The following PARP8 variants were observed in gnomAD, a reference collection of about 807,000 sequenced individuals.
PARP8 encodes poly(ADP-ribose) polymerase family member 8.
Under a neutral mutation model 124.1 loss-of-function variants are expected in PARP8, and 51 were observed. That is an observed-to-expected ratio of 0.41 (90% confidence interval 0.33 to 0.52). The LOEUF is 0.52. Ranked by LOEUF, PARP8 falls within the 20% of genes least tolerant of loss-of-function variation. The pLI is 0.21. For missense variants in PARP8, 860 were observed against 1,018.9 expected (o/e 0.84, Z 2.12); for synonymous variants, 391 against 361.5 (o/e 1.08, Z -0.93).
chr5:50,788,389 A>G (rs1741548174), intron 9 of PARP8, 134 bp from the exon 10 acceptor site: 2 of 659,848 alleles, frequency 3.0e-6, no homozygotes, highest in South Asian at 2.0e-5. Flanking sequence ...AGCATTGTTT[A>G]GGACTGCATG....
intron 7 of PARP8, among the ~76,000 whole-genome samples, chr5:50,765,633 G>A (rs1467085447): frequency 6.6e-6 from 1 of 152,160 alleles, no homozygotes; most frequent in Admixed American, 6.5e-5. Context: ...ATGAATGTAA[G>A]CCATGTTCCT....
At chr5:50,810,453 C>A (rs1744310375) in intron 14 of PARP8, among the ~76,000 whole-genome samples, 1 of 151,970 alleles carries the variant, frequency 6.6e-6, no homozygotes. Flanking sequence ...GATGCTAGCA[C>A]ATTCTGTGTA....
At chr5:50,839,171 T>G (rs1747900043) in intron 25 of PARP8, among the ~76,000 whole-genome samples, 2 of 152,058 alleles carry the variant, frequency 1.3e-5, no homozygotes, top group Admixed American at 1.3e-4. Flanking sequence ...TTTCCTAGTT[T>G]CTATTATTTT....
At chr5:50,713,769 A>T (rs987680578) in intron 2 of PARP8, among the ~76,000 whole-genome samples, 54 of 152,034 alleles carry the variant, frequency 3.6e-4, no homozygotes, top group African/African-American at 1.3e-3. Context: ...GGATCCTTAG[A>T]AGAGGCAGGC....
rs566605770 is a variant in PARP8, at chr5:50,666,961, G to C, written c.-135G>C. ...TCTTCTCTCACCCAGGATCACTTCC[G>C]AAACCACTTCGCCTTCAGCCCCTGC... is the stretch of plus-strand genomic sequence containing the variant. On this transcript the variant is annotated 5_prime_UTR_variant, in exon 1 of 26. Coordinates refer to ENST00000281631, the MANE Select transcript of PARP8 (RefSeq NM_024615.4). 2.2e-4 allele frequency: 291 copies of C among 1,308,008 alleles called. No individual in the cohort carries two copies. In the African/African-American group the frequency reaches 4.2e-3, roughly 19 times the overall value. 81.0% of individuals were successfully genotyped at this position (1,308,008 alleles called of 1,614,324 possible).
intron 9 of PARP8, among the ~76,000 whole-genome samples, chr5:50,782,635 A>G (rs1740798101): frequency 6.6e-6 from 1 of 152,172 alleles, no homozygotes; most frequent in African/African-American, 2.4e-5. Context: ...ACAGAATACC[A>G]TTATTTCAGT....
At chr5:50,723,674 A>G (rs1474514284) in intron 2 of PARP8, among the ~76,000 whole-genome samples, 2 of 152,268 alleles carry the variant, frequency 1.3e-5, no homozygotes, top group African/African-American at 2.4e-5. Flanking sequence ...TAGAAAGAAC[A>G]TCAAAAGACA....
At chr5:50,765,439 A>G (rs557403768) in intron 7 of PARP8, among the ~76,000 whole-genome samples, 1 of 152,294 alleles carries the variant, frequency 6.6e-6, no homozygotes, top group South Asian at 2.1e-4. Context: ...TTAAGTACCT[A>G]TGATGGTCTG....
intron 3 of PARP8, among the ~76,000 whole-genome samples, chr5:50,751,486 G>A (rs1759257341): frequency 6.6e-6 from 1 of 152,076 alleles, no homozygotes; most frequent in Non-Finnish European, 1.5e-5. Flanking sequence ...AATAAAATAT[G>A]ATCACAGAAG....
chr5:50,802,302 G>T (rs1448266955), intron 14 of PARP8, among the ~76,000 whole-genome samples: 1 of 151,924 alleles, frequency 6.6e-6, no homozygotes, highest in East Asian at 1.9e-4. Flanking sequence ...ATCTAGTTTG[G>T]ATTAATACCA....
chr5:50,732,681 C>T (rs143059847), intron 2 of PARP8, among the ~76,000 whole-genome samples: 2,237 of 151,646 alleles, frequency 0.015, 58 homozygotes, highest in African/African-American at 0.052. Flanking sequence ...TGCAGTGGCG[C>T]GATCTTGTCT....
intron 2 of PARP8, among the ~76,000 whole-genome samples, chr5:50,688,598 C>T (rs1752130037): frequency 6.6e-6 from 1 of 152,162 alleles, no homozygotes; most frequent in African/African-American, 2.4e-5. Context: ...GTTTCAAACT[C>T]ACATATATGG....
chr5:50,747,935 G>A (rs895495787), intron 2 of PARP8, among the ~76,000 whole-genome samples: 4 of 151,256 alleles, frequency 2.6e-5, no homozygotes, highest in Non-Finnish European at 5.9e-5. Flanking sequence ...ACCGCGCCCG[G>A]CTAATTTTTT....
At chr5:50,752,602 C>T (rs781707735) in intron 3 of PARP8, among the ~76,000 whole-genome samples, 3 of 151,898 alleles carry the variant, frequency 2.0e-5, no homozygotes, top group Non-Finnish European at 4.4e-5. Context: ...TTCTTCCGTC[C>T]GTTGGTTTGT....
In PARP8 at chr5:50,761,841, A is replaced by G; in HGVS notation, c.366A>G (p.Thr122=). 2.5e-6 allele frequency: 4 copies of G among 1,599,356 alleles called. No individual in the cohort carries two copies. Among genetic ancestry groups the G allele is most frequent in the Non-Finnish European group, 3.4e-6 (4 of 1,170,016 alleles). ...ENGEESRQNS[T]VEEDSEGDND... is the part of the protein sequence containing the mutation. ...TTAAGGAATCAAGACAGAATAGTACAGTGGAGGAAGATTCTGAAGGTGACA... is the reference window on the plus strand; with the variant it reads ...TTAAGGAATCAAGACAGAATAGTACGGTGGAGGAAGATTCTGAAGGTGACA... The change falls in exon 6 of 26, where the codon ACA becomes ACG. Residue 122 remains threonine (T), a synonymous_variant. Transcript: ENST00000281631.
chr5:50,793,550 A>C (rs186141603), intron 10 of PARP8, among the ~76,000 whole-genome samples: 1 of 152,338 alleles, frequency 6.6e-6, no homozygotes, highest in African/African-American at 2.4e-5. Flanking sequence ...CTGCCTTATG[A>C]TATTAACTAA....
intron 2 of PARP8, among the ~76,000 whole-genome samples, chr5:50,674,633 C>G (rs1750404282): frequency 6.6e-6 from 1 of 152,212 alleles, no homozygotes; most frequent in Non-Finnish European, 1.5e-5. Flanking sequence ...GAGCTGCCTT[C>G]CCTATCCACT....
intron 15 of PARP8, among the ~76,000 whole-genome samples, chr5:50,817,822 T>A (rs1745271749): frequency 6.6e-6 from 1 of 152,170 alleles, no homozygotes; most frequent in Non-Finnish European, 1.5e-5. Flanking sequence ...TAAAGACTAA[T>A]GACCGAATTT....
At chr5:50,733,908 T>C (rs1206166830) in intron 2 of PARP8, among the ~76,000 whole-genome samples, 1 of 152,216 alleles carries the variant, frequency 6.6e-6, no homozygotes, top group Non-Finnish European at 1.5e-5. Context: ...TCTCAAATAC[T>C]GCACACTTCC....
Sources: allele counts gnomAD v4.1 joint callset (sites outside exome capture counted in the v4.1 genomes callset), GRCh38; gene constraint gnomAD v4.1.1; transcripts MANE v1.5; gene names NCBI Gene and HGNC (gene_info 2026-07-23, HGNC 2026-07-21).